Variants in EDIL3 observed in about 807,000 individuals in gnomAD.
The protein encoded by EDIL3 is EGF like and discoidin domains 3, also known as EGF-like repeat and discoidin I-like domain-containing protein 3.
A neutral mutation model predicts 67.4 loss-of-function variants in EDIL3; 37 were observed. That is an observed-to-expected ratio of 0.55 (90% CI 0.42 to 0.72). The LOEUF is 0.72. Among genes scored for constraint, EDIL3 ranks in the 30% least tolerant of loss-of-function variants. The pLI, the probability that EDIL3 is intolerant of heterozygous loss-of-function variation, is 0.00. For synonymous variants in EDIL3, 195 were observed against 196.3 expected (o/e 0.99, Z 0.05); for missense variants, 527 against 586.3 (o/e 0.90, Z 1.04).
At chr5:84,070,230 C>T (rs927817375) in intron 6 of EDIL3, among the ~76,000 whole-genome samples, 4 of 152,254 alleles carry the variant, frequency 2.6e-5, no homozygotes, top group East Asian at 1.9e-4. Context: ...GCAAGAACCC[C>T]GGGATAGAGA....
intron 3 of EDIL3, among the ~76,000 whole-genome samples, chr5:84,212,947 C>A (rs1345037943): frequency 1.3e-5 from 2 of 150,002 alleles, no homozygotes; most frequent in African/African-American, 4.9e-5. Flanking sequence ...CACTACCCAC[C>A]AAAGAGTCAG....
chr5:84,047,865 T>G (rs1173432453), intron 9 of EDIL3: 3 of 152,608 alleles, frequency 2.0e-5, no homozygotes, highest in Admixed American at 6.5e-5. Context: ...ACAAATGTCC[T>G]TTCAATTTTG....
chr5:84,337,577 A>G (rs2112173083), intron 1 of EDIL3, among the ~76,000 whole-genome samples: 1 of 152,312 alleles, frequency 6.6e-6, no homozygotes, highest in African/African-American at 2.4e-5. Flanking sequence ...GCATGGCTCT[A>G]GAGCACATAT....
At chr5:84,213,191 G>T (rs956305332) in intron 3 of EDIL3, among the ~76,000 whole-genome samples, 25 of 149,158 alleles carry the variant, frequency 1.7e-4, no homozygotes, top group African/African-American at 5.7e-4. Flanking sequence ...ATTTTCAGTG[G>T]TTTTTTTTTT....
At chr5:84,231,082 C>G (rs1744567912) in intron 2 of EDIL3, among the ~76,000 whole-genome samples, 1 of 152,106 alleles carries the variant, frequency 6.6e-6, no homozygotes, top group African/African-American at 2.4e-5. Context: ...ATGGTATTAA[C>G]TTGTAGCCAG....
chr5:84,295,793 C>T (rs1016232750), intron 1 of EDIL3, among the ~76,000 whole-genome samples: 1 of 152,062 alleles, frequency 6.6e-6, no homozygotes, highest in African/African-American at 2.4e-5. Context: ...TATACACACA[C>T]CATTTGCTAT....
Position 84,132,547 on chromosome 5 carries a change from T to A in EDIL3, c.469+4694A>T, listed in dbSNP as rs1186843969. Reference sequence around the variant, plus strand: ...TATATATTATATATTTTATATATAATATATATTTTATATATTTTTAATATA... The same window carrying A: ...TATATATTATATATTTTATATATAAAATATATTTTATATATTTTTAATATA... On this transcript the variant is annotated intron_variant, in intron 5 of 10. Coordinates refer to ENST00000296591, the MANE Select transcript of EDIL3 (RefSeq NM_005711.5). 4.7e-4 allele frequency among the ~76,000 whole-genome samples: 51 copies of A among 108,560 alleles called. 1 individual carries two copies. The East Asian group carries it at 0.011, about 23-fold the overall frequency. 71.2% of individuals were successfully genotyped at this position (108,560 alleles called of 152,430 possible).
At position 84,365,444 on chromosome 5, in the gene EDIL3, C is replaced by G. The variant is rs147978002; in HGVS notation, c.67+18864G>C. 7.5e-3 allele frequency among the ~76,000 whole-genome samples: 1,140 copies of G among 152,100 alleles called. 9 individuals are homozygous for G. The highest frequency in any genetic ancestry group is 0.026 in the African/African-American group (1,059 of 41,528). On this transcript the variant is annotated intron_variant, in intron 1 of 10. Coordinates refer to ENST00000296591, the MANE Select transcript of EDIL3 (RefSeq NM_005711.5). ...TCTAAAGCAAAATGTAAAATAAAAA[C>G]AACCTTAGATATTTTAGTAGTTTCT... is the stretch of plus-strand genomic sequence containing the variant.
chr5:84,109,795 GT>G (rs1747527778), intron 5 of EDIL3, among the ~76,000 whole-genome samples: 1 of 152,166 alleles, frequency 6.6e-6, no homozygotes, highest in African/African-American at 2.4e-5. Context: ...AAGCATGACT[GT>G]GATGGGGATT....
chr5:84,014,033 T>C (rs73151638), intron 9 of EDIL3, among the ~76,000 whole-genome samples: 1,946 of 152,298 alleles, frequency 0.013, 44 homozygotes, highest in African/African-American at 0.045. Flanking sequence ...GCTTCAAATC[T>C]GGTACCCTAA....
chr5:84,016,054 C>A (rs529436221), intron 9 of EDIL3, among the ~76,000 whole-genome samples: 1 of 152,262 alleles, frequency 6.6e-6, no homozygotes, highest in South Asian at 2.1e-4. Context: ...ACCACCCACC[C>A]TCAAGTAGAC....
chr5:84,246,570 CA>C (rs1187781796), intron 2 of EDIL3, among the ~76,000 whole-genome samples: 1 of 152,196 alleles, frequency 6.6e-6, no homozygotes, highest in East Asian at 1.9e-4. Context: ...TGAATAAGGA[CA>C]TACTCCTAGA....
At chr5:84,304,537 A>G (rs558489257) in intron 1 of EDIL3, among the ~76,000 whole-genome samples, 18 of 152,358 alleles carry the variant, frequency 1.2e-4, no homozygotes, top group African/African-American at 4.3e-4. Flanking sequence ...CAAGAATTCT[A>G]GAGAAAAAAG....
At chr5:84,238,672 T>TTTTTTG (rs1554037711) in intron 2 of EDIL3, among the ~76,000 whole-genome samples, 7 of 148,720 alleles carry the variant, frequency 4.7e-5, no homozygotes, top group Admixed American at 2.7e-4. Flanking sequence ...AATGTTTTTT[T>TTTTTTG]TTTTTTTTTT....
intron 4 of EDIL3, among the ~76,000 whole-genome samples, chr5:84,156,183 C>T (rs1443343827): frequency 1.3e-5 from 2 of 152,100 alleles, no homozygotes; most frequent in Admixed American, 1.3e-4. Context: ...CAGTAGTCTT[C>T]TAGGTTTAGC....
chr5:84,054,668 GACAA>G (rs1327652409), intron 9 of EDIL3, among the ~76,000 whole-genome samples: 5 of 151,972 alleles, frequency 3.3e-5, no homozygotes, highest in African/African-American at 4.8e-5. Flanking sequence ...ACCAATAACA[GACAA>G]ACAGAGAGCC....
chr5:84,045,476 T>C (rs1457045320), intron 9 of EDIL3, among the ~76,000 whole-genome samples: 1 of 152,144 alleles, frequency 6.6e-6, no homozygotes, highest in Non-Finnish European at 1.5e-5. Context: ...GTCAAAACTT[T>C]GGTTGGCTTT....
intron 9 of EDIL3, among the ~76,000 whole-genome samples, chr5:84,059,006 A>G (rs1364277922): frequency 6.6e-6 from 1 of 152,168 alleles, no homozygotes; most frequent in African/African-American, 2.4e-5. Context: ...TGAGAGCTGA[A>G]TAAAGCTCTA....
At chr5:84,120,185 A>G (rs1431402911) in intron 5 of EDIL3, among the ~76,000 whole-genome samples, 2 of 152,094 alleles carry the variant, frequency 1.3e-5, no homozygotes, top group African/African-American at 4.8e-5. Flanking sequence ...TGTCAAAAGC[A>G]CATGATAAAA....
Sources: gnomAD v4.1 joint callset for allele counts (sites outside exome capture counted in the v4.1 genomes callset) on GRCh38, gnomAD v4.1.1 for gene constraint, MANE v1.5 for transcripts, NCBI Gene and HGNC (gene_info 2026-07-23, HGNC 2026-07-21) for gene names.